PNPLA4: variants seen among roughly 807,000 people sequenced by gnomAD.
The protein encoded by PNPLA4 is patatin-like phospholipase domain-containing protein 4.
In PNPLA4, 15 loss-of-function variants were observed where a neutral mutation model predicts 18.3. The observed-to-expected ratio is 0.82, with a 90% CI of 0.55 to 1.26. The LOEUF is 1.26. Ranked by LOEUF, PNPLA4 falls within the 50% of genes most tolerant of loss-of-function variation. The probability of loss-of-function intolerance (pLI) is 0.00; values close to 1 mark genes in which losing one functional copy is unlikely to be tolerated. For synonymous variants in PNPLA4, 88 were observed against 85.6 expected (o/e 1.03, Z -0.16); for missense variants, 229 against 196.8 (o/e 1.16, Z -0.98).
chrX:7,903,274 G>GTTTA (rs55848008), intron 5 of PNPLA4, among the ~76,000 whole-genome samples: 18,293 of 92,847 alleles, frequency 0.2, 1,888 homozygotes, highest in Non-Finnish European at 0.27. Context: ...TCCTTCTTGT[G>GTTTA]TTTATTTATT....
At chrX:7,907,683 A>T (rs895387806) in intron 5 of PNPLA4, among the ~76,000 whole-genome samples, 15 of 111,584 alleles carry the variant, frequency 1.3e-4, no homozygotes, top group African/African-American at 4.9e-4. Flanking sequence ...AAAGCTACAG[A>T]ACTTTTTAAA....
At chrX:7,902,837 G>A (rs1053217878) in intron 5 of PNPLA4, among the ~76,000 whole-genome samples, 4 of 111,747 alleles carry the variant, frequency 3.6e-5, no homozygotes, top group Non-Finnish European at 7.5e-5. Context: ...CTACAGAAGC[G>A]CACAATGAGA....
chrX:7,904,425 A>G (rs1923643066), intron 5 of PNPLA4, among the ~76,000 whole-genome samples: 1 of 111,916 alleles, frequency 8.9e-6, no homozygotes, highest in African/African-American at 3.3e-5. Context: ...TTATCAAATC[A>G]CTTGATTAAA....
chrX:7,910,348 T>A (rs1273332973), intron 5 of PNPLA4, among the ~76,000 whole-genome samples: 7 of 111,399 alleles, frequency 6.3e-5, no homozygotes, highest in African/African-American at 2.3e-4. Flanking sequence ...TTTGTAAAAC[T>A]CAGTTCTTTT....
Position 7,907,013 on chromosome X carries a change from GCTTTT to G in PNPLA4, c.478-4877_478-4873del, listed in dbSNP as rs1451528553. Reference sequence around the variant, plus strand: ...GAAAGAAACAATGCAAAATCCTACAGCTTTTCTTTTCTTTTTTTTTTCAGACAGAG... The same window carrying G: ...GAAAGAAACAATGCAAAATCCTACAGCTTTTCTTTTTTTTTTCAGACAGAG... On this transcript the variant is annotated intron_variant, in intron 5 of 6. Transcript: ENST00000381042. Among the ~76,000 whole-genome samples, 48 of 111,162 alleles carry G rather than the reference GCTTTT, an allele frequency of 4.3e-4. 1 individual carries two copies. Among genetic ancestry groups the G allele is most frequent in the Non-Finnish European group, 1.5e-4 (8 of 53,007 alleles).
chrX:7,898,566 G>A lies in PNPLA4; in HGVS notation c.*2120C>T, dbSNP rs992253104. ...ATTTGGTGCACCAGCCCCGGAGAGC[G>A]CCTAGTGTGCACCAAGTATGTGTTT... On this transcript the variant is annotated 3_prime_UTR_variant, in exon 7 of 7. Transcript: ENST00000381042. The A allele has an allele frequency of 2.7e-5, 3 of 111,544 alleles. No homozygotes were observed. The highest frequency in any genetic ancestry group is 9.5e-5 in the Admixed American group (1 of 10,544). 9.2% of individuals were successfully genotyped at this position (111,544 alleles called of 1,213,427 possible).
chrX:7,916,405 C>T (rs1261381243), intron 4 of PNPLA4, among the ~76,000 whole-genome samples: 12 of 110,826 alleles, frequency 1.1e-4, no homozygotes, highest in African/African-American at 3.6e-4. Flanking sequence ...CTGTGTAGAG[C>T]GGCACACCAG....
rs372072614 is a variant in PNPLA4 at position 7,915,307 on chromosome X, T to G, written c.412-3214A>C. ...GTCTGTCATAACCTGGGGTGGAGGG[T>G]GGGGGGGGGGGTGTGTCCTGCTAGC... On this transcript the variant is annotated intron_variant, in intron 4 of 6. Coordinates refer to ENST00000381042, the MANE Select transcript of PNPLA4 (RefSeq NM_004650.3). 2.4e-3 allele frequency among the ~76,000 whole-genome samples: 101 copies of G among 42,626 alleles called. 1 individual carries two copies. The highest frequency in any genetic ancestry group is 8.0e-3 in the African/African-American group (89 of 11,164). 37.0% of individuals were successfully genotyped at this position (42,626 alleles called of 115,157 possible).
At chrX:7,901,922 C>T (rs1355988468) in intron 6 of PNPLA4, 67 bp downstream of exon 6, 15 of 1,064,759 alleles carry the variant, frequency 1.4e-5, no homozygotes, top group East Asian at 3.1e-5. Flanking sequence ...TTGGGAAACA[C>T]GTTGAATTCT....
rs1924063970 is a variant in PNPLA4 at position 7,916,919 on chromosome X, T to C, written c.411+4794A>G. 5.3e-5 allele frequency among the ~76,000 whole-genome samples: 6 copies of C among 112,370 alleles called. No homozygotes were observed. In the South Asian group the frequency reaches 1.8e-3, roughly 34 times the overall value. On this transcript the variant is annotated intron_variant, in intron 4 of 6. Coordinates refer to ENST00000381042, the MANE Select transcript of PNPLA4 (RefSeq NM_004650.3). The stretch of plus-strand genomic sequence containing the variant: ...CCCTCTGCAGGCTGCCTTCAAGTAG[T>C]TGAGCAGACATCATCTGTGTTTCCC...
In PNPLA4 at chrX:7,917,495, C is replaced by G. The variant is rs60841840; in HGVS notation, c.411+4218G>C. Among the ~76,000 whole-genome samples the G allele has an allele frequency of 9.6e-3, 1,078 of 111,921 alleles. 10 individuals are homozygous for G. Among genetic ancestry groups the G allele is most frequent in the African/African-American group, 0.033 (1,026 of 30,746 alleles). On this transcript the variant is annotated intron_variant, in intron 4 of 6. Transcript: ENST00000381042. ...TTAATATGGCTTTAAAATTTCATGACAGATTCATACAAGGGTGCTGAGCAG... is the reference window on the plus strand; with the variant it reads ...TTAATATGGCTTTAAAATTTCATGAGAGATTCATACAAGGGTGCTGAGCAG...
In PNPLA4 at chrX:7,926,160, TA is replaced by T. The variant is rs758085125; in HGVS notation, c.-13-29del. On this transcript the variant is annotated intron_variant, in intron 1 of 6. Transcript: ENST00000381042. The stretch of plus-strand genomic sequence containing the variant: ...GGCAATACAAAAAACAAAAATGCTG[TA>T]AGTTGGAATAGTTTATCCCACATAC... 716 of 1,079,780 alleles carry T rather than the reference TA, an allele frequency of 6.6e-4. 3 individuals carry two copies. The African/African-American group carries it at 0.011, about 17-fold the overall frequency. The allele number at this position is 1,079,780 out of a possible 1,213,427, so 89.0% of individuals were successfully genotyped here. A position where few individuals can be genotyped will look rare whatever the true frequency, so the allele number is the denominator to read the frequency against.
At position 7,898,715 on chromosome X, in the gene PNPLA4, C is replaced by G. The variant is rs186202665; in HGVS notation, c.*1971G>C. ...GATAAATTAATCTTTACAACAAACCCCCGTGACACAAGTTTACCTATAACA... is the reference window on the plus strand; with the variant it reads ...GATAAATTAATCTTTACAACAAACCGCCGTGACACAAGTTTACCTATAACA... On this transcript the variant is annotated 3_prime_UTR_variant, in exon 7 of 7. Transcript: ENST00000381042. 12 of 111,501 alleles carry G rather than the reference C, an allele frequency of 1.1e-4. No homozygotes were observed. In the East Asian group the frequency reaches 3.1e-3, roughly 29 times the overall value. The allele number at this position is 111,501 out of a possible 1,213,427, so 9.2% of individuals were successfully genotyped here. A position where few individuals can be genotyped will look rare whatever the true frequency, so the allele number is the denominator to read the frequency against.
At chrX:7,920,844 A>G (rs1924192056) in intron 4 of PNPLA4, among the ~76,000 whole-genome samples, 1 of 112,913 alleles carries the variant, frequency 8.9e-6, no homozygotes, top group Non-Finnish European at 1.9e-5. Context: ...AAATGGAAGA[A>G]ACAAAATGGA....
In PNPLA4 at chrX:7,898,440, C is replaced by G. The variant is rs1021079912; in HGVS notation, c.*2246G>C. On this transcript the variant is annotated 3_prime_UTR_variant, in exon 7 of 7. Coordinates refer to ENST00000381042, the MANE Select transcript of PNPLA4 (RefSeq NM_004650.3). ...CAAAATTTTGATCCCACAAGTGAGG[C>G]AGATCCTGTTGTGAATGCCTGTTTT... 1.8e-5 allele frequency: 2 copies of G among 111,612 alleles called. No homozygotes were observed. The highest frequency in any genetic ancestry group is 1.9e-4 in the Admixed American group (2 of 10,550). The allele number at this position is 111,612 out of a possible 1,213,427, so 9.2% of individuals were successfully genotyped here. A position where few individuals can be genotyped will look rare whatever the true frequency, so the allele number is the denominator to read the frequency against.
At chrX:7,915,746 T>C (rs1351052369) in intron 4 of PNPLA4, among the ~76,000 whole-genome samples, 2 of 112,592 alleles carry the variant, frequency 1.8e-5, no homozygotes, top group African/African-American at 3.2e-5. Context: ...GTTTCATTTA[T>C]GCCTAAAGTT....
intron 4 of PNPLA4, among the ~76,000 whole-genome samples, chrX:7,915,689 T>C (rs1417398798): frequency 8.9e-6 from 1 of 112,136 alleles, no homozygotes; most frequent in East Asian, 2.8e-4. Flanking sequence ...AAGAGGTATT[T>C]AGAAAATTAT....
Position 7,921,994 on chromosome X carries a change from C to T in PNPLA4, c.275+10G>A. Reference sequence around the variant, plus strand: ...TTCATGTACTTTTGGGCAAAATGTACTCTGTATACCTTAGTCGGGCCATGA... The same window carrying T: ...TTCATGTACTTTTGGGCAAAATGTATTCTGTATACCTTAGTCGGGCCATGA... On this transcript the variant is annotated intron_variant, in intron 3 of 6. Coordinates refer to ENST00000381042, the MANE Select transcript of PNPLA4 (RefSeq NM_004650.3). 8.4e-7 allele frequency: 1 copy of T among 1,186,887 alleles called. No individual in the cohort carries two copies. The highest frequency in any genetic ancestry group is 3.0e-5 in the East Asian group (1 of 33,711).
In PNPLA4 at chrX:7,898,825, G is replaced by A. The variant is rs1322841014; in HGVS notation, c.*1861C>T. On this transcript the variant is annotated 3_prime_UTR_variant, in exon 7 of 7. Coordinates refer to ENST00000381042, the MANE Select transcript of PNPLA4 (RefSeq NM_004650.3). ...CACAGGGTCAAATACATATGTAGTC[G>A]ATACAAGATACTTCAAAAAAGTCTT... The A allele has an allele frequency of 1.8e-5, 2 of 111,344 alleles. No individual in the cohort carries two copies. Among genetic ancestry groups the A allele is most frequent in the Non-Finnish European group, 3.8e-5 (2 of 53,048 alleles). 9.2% of individuals were successfully genotyped at this position (111,344 alleles called of 1,213,427 possible).
Sources: allele counts gnomAD v4.1 joint callset (sites outside exome capture counted in the v4.1 genomes callset), GRCh38; gene constraint gnomAD v4.1.1; transcripts MANE v1.5; gene names NCBI Gene and HGNC (gene_info 2026-07-23, HGNC 2026-07-21).